Variants in RFTN2 observed in about 807,000 individuals in gnomAD.
The protein encoded by RFTN2 is raftlin family member 2.
In RFTN2, 34 loss-of-function variants were observed where a neutral mutation model predicts 52.7. The observed-to-expected ratio is 0.64, with a 90% confidence interval of 0.49 to 0.86. The LOEUF is 0.86. Ranked by LOEUF, RFTN2 falls within the 40% of genes least tolerant of loss-of-function variation. The pLI is 0.00. For missense variants in RFTN2, 536 were observed against 600.1 expected, an observed-to-expected ratio of 0.89 and a Z score of 1.12; for synonymous variants, 203 against 217.7, an observed-to-expected ratio of 0.93 and a Z score of 0.59.
At position 197,616,268 on chromosome 2, in the gene RFTN2, CATTTT is replaced by C. The variant is rs60073189; in HGVS notation, c.1051-294_1051-290del. ...ATGGGGTTGGGGAGCTGGGAATCTG[CATTTT>C]ATTTTATTTTATTTTATTTTATTTT... On this transcript the variant is annotated intron_variant, in intron 6 of 8. Transcript: ENST00000295049. 3.3e-3 allele frequency among the ~76,000 whole-genome samples: 198 copies of C among 60,826 alleles called. 5 individuals carry two copies. Among genetic ancestry groups the C allele is most frequent in the Admixed American group, 6.6e-3 (43 of 6,502 alleles). The allele number at this position is 60,826 out of a possible 152,430, so 39.9% of individuals were successfully genotyped here.
chr2:197,603,504 T>TG (rs1416781924), intron 7 of RFTN2, among the ~76,000 whole-genome samples: 2 of 152,124 alleles, frequency 1.3e-5, no homozygotes, highest in African/African-American at 4.8e-5. Flanking sequence ...TGTATAGAGA[T>TG]GGGGGTCTTG....
chr2:197,660,854 C>T lies in RFTN2; in HGVS notation c.140-14188G>A, dbSNP rs542520172. ...GATTACAGGTGTGAGCCACTGCGCC[C>T]GGCCAAGTATTTATTATTTCTATGT... is the stretch of plus-strand genomic sequence containing the variant. On this transcript the variant is annotated intron_variant, in intron 1 of 8. Coordinates refer to ENST00000295049, the MANE Select transcript of RFTN2 (RefSeq NM_144629.3). Among the ~76,000 whole-genome samples, 139 of 152,170 alleles carry T rather than the reference C, an allele frequency of 9.1e-4. 1 individual carries two copies. The highest frequency in any genetic ancestry group is 2.8e-3 in the African/African-American group (118 of 41,508).
At chr2:197,656,759 C>A (rs987179342) in intron 1 of RFTN2, among the ~76,000 whole-genome samples, 1 of 152,152 alleles carries the variant, frequency 6.6e-6, no homozygotes, top group Non-Finnish European at 1.5e-5. Context: ...TGCTCTAGAT[C>A]TTGGGTCTCT....
rs112966147 is a variant in RFTN2, at chr2:197,571,424, A to T, written c.*584T>A. 1.3e-5 allele frequency: 2 copies of T among 153,848 alleles called. No individual in the cohort carries two copies. The highest frequency in any genetic ancestry group is 4.8e-5 in the African/African-American group (2 of 41,576). 9.5% of individuals were successfully genotyped at this position (153,848 alleles called of 1,614,324 possible). The stretch of plus-strand genomic sequence containing the variant: ...TGGTGACATGACCCTTTAAAAGCAA[A>T]GATACATAAAAAAGATTTTTTTCAA... On this transcript the variant is annotated 3_prime_UTR_variant, in exon 9 of 9. Coordinates refer to ENST00000295049, the MANE Select transcript of RFTN2 (RefSeq NM_144629.3).
At chr2:197,583,419 G>A (rs1427738192) in intron 8 of RFTN2, among the ~76,000 whole-genome samples, 1 of 152,090 alleles carries the variant, frequency 6.6e-6, no homozygotes, top group Non-Finnish European at 1.5e-5. Context: ...CCTCAGTTTG[G>A]CCTTTCCACC....
chr2:197,600,653 G>A (rs1321704750), intron 7 of RFTN2, among the ~76,000 whole-genome samples: 3 of 152,166 alleles, frequency 2.0e-5, no homozygotes, highest in African/African-American at 7.2e-5. Context: ...TTAGCAAACT[G>A]GTGGTCATTA....
intron 8 of RFTN2, among the ~76,000 whole-genome samples, chr2:197,578,335 T>C (rs1574674598): frequency 6.6e-6 from 1 of 151,962 alleles, no homozygotes; most frequent in Admixed American, 6.6e-5. Flanking sequence ...ATGGCAAAAA[T>C]ACTTAGCACT....
At chr2:197,574,709 A>T (rs927719131) in intron 8 of RFTN2, among the ~76,000 whole-genome samples, 1 of 152,118 alleles carries the variant, frequency 6.6e-6, no homozygotes, top group Admixed American at 6.5e-5. Context: ...CTCTACTAAA[A>T]ATACAAAAAT....
At chr2:197,587,540 G>A (rs1450742124) in intron 8 of RFTN2, among the ~76,000 whole-genome samples, 8 of 142,438 alleles carry the variant, frequency 5.6e-5, no homozygotes, top group East Asian at 4.3e-4. Flanking sequence ...ACCCCTGCCC[G>A]CCAGAGAACA....
Position 197,615,892 on chromosome 2 carries a change from C to G in RFTN2, c.1138G>C (p.Val380Leu). ...WLLTSVLPTPVLRHDSEGNLA... is the reference protein window; with the variant it reads ...WLLTSVLPTPLLRHDSEGNLA... ...TTGCCTTACCTGTCATGTCTCAATA[C>G]AGGTGTGGGCAACACGCTTGTCAGA... is the stretch of plus-strand genomic sequence containing the variant. The change falls in exon 7 of 9, where the codon GTA becomes CTA. Residue 380 changes from valine to leucine, a missense_variant. Physicochemically the swap from Val to Leu is conservative, Grantham distance 32 (BLOSUM62 1). Transcript: ENST00000295049. 1 of 1,548,902 alleles carries G rather than the reference C, an allele frequency of 6.5e-7. No individual in the cohort carries two copies. The highest frequency in any genetic ancestry group is 8.8e-7 in the Non-Finnish European group (1 of 1,142,498).
chr2:197,641,749 C>G (rs750566226), intron 3 of RFTN2, among the ~76,000 whole-genome samples: 6 of 152,182 alleles, frequency 3.9e-5, no homozygotes, highest in Non-Finnish European at 7.4e-5. Context: ...ACTCTTTACA[C>G]AAGGCAGCCG....
At chr2:197,590,505 C>T (rs564739517) in intron 8 of RFTN2, among the ~76,000 whole-genome samples, 1 of 152,306 alleles carries the variant, frequency 6.6e-6, no homozygotes, top group South Asian at 2.1e-4. Context: ...AATTTCCTCC[C>T]CCACAACAAG....
chr2:197,608,259 A>T (rs1457075123), intron 7 of RFTN2, among the ~76,000 whole-genome samples: 2 of 151,826 alleles, frequency 1.3e-5, no homozygotes, highest in Admixed American at 6.6e-5. Context: ...TCAGCATCAC[A>T]GTGAGAAGAC....
intron 3 of RFTN2, among the ~76,000 whole-genome samples, chr2:197,638,159 C>G (rs375798759): frequency 0.14 from 18,834 of 130,960 alleles, 1,288 homozygotes; most frequent in Middle Eastern, 0.22. Flanking sequence ...TTACTTCCAA[C>G]TATGTGGTCA....
chr2:197,585,433 C>A (rs1476044828), intron 8 of RFTN2, among the ~76,000 whole-genome samples: 3 of 152,120 alleles, frequency 2.0e-5, no homozygotes, highest in East Asian at 1.9e-4. Context: ...CAAACTGCCA[C>A]TTTTAAGTCT....
chr2:197,641,447 G>C (rs1203342427), intron 3 of RFTN2, among the ~76,000 whole-genome samples: 1 of 152,208 alleles, frequency 6.6e-6, no homozygotes, highest in Non-Finnish European at 1.5e-5. Context: ...ATATTCTGCA[G>C]GTAGAAATGG....
intron 8 of RFTN2, among the ~76,000 whole-genome samples, chr2:197,584,743 A>G (rs1389061408): frequency 6.6e-6 from 1 of 152,194 alleles, no homozygotes; most frequent in Non-Finnish European, 1.5e-5. Context: ...GCTACAGAGT[A>G]CAGTCCATTG....
At chr2:197,646,240 T>G (rs1183783510) in intron 2 of RFTN2, among the ~76,000 whole-genome samples, 2 of 152,166 alleles carry the variant, frequency 1.3e-5, no homozygotes, top group Non-Finnish European at 2.9e-5. Context: ...TTGCTTTCCC[T>G]TTGTTCACTG....
intron 8 of RFTN2, among the ~76,000 whole-genome samples, chr2:197,589,661 T>C (rs2087666351): frequency 6.6e-6 from 1 of 152,242 alleles, no homozygotes; most frequent in Non-Finnish European, 1.5e-5. Flanking sequence ...CATATCCTCA[T>C]TGGTGAGGTG....
Sources: allele counts gnomAD v4.1 joint callset (sites outside exome capture counted in the v4.1 genomes callset), GRCh38; gene constraint gnomAD v4.1.1; transcripts MANE v1.5; gene names NCBI Gene and HGNC (gene_info 2026-07-23, HGNC 2026-07-21).